ADGRD2: variants seen among roughly 807,000 people sequenced by gnomAD.
ADGRD2 encodes the protein adhesion G protein-coupled receptor D2.
A neutral mutation model predicts 44.4 loss-of-function variants in ADGRD2; 71 were observed. That is an observed-to-expected ratio of 1.60 (90% CI 1.32 to 1.95). The LOEUF is 1.95. Ranked by LOEUF, ADGRD2 falls within the 30% of genes most tolerant of loss-of-function variation. The pLI is 0.00. For synonymous variants in ADGRD2, 481 were observed against 224.8 expected (o/e 2.14, Z -10.19); for missense variants, 1,039 against 512.4 (o/e 2.03, Z -9.92).
chr9:124,454,432 C>T lies in ADGRD2; in HGVS notation c.1023-52C>T. On this transcript the variant is annotated intron_variant, in intron 4 of 21. Transcript: ENST00000334810. The surrounding 1 kb of genome is among the most constrained non-coding windows in gnomAD (Gnocchi z 4.5). ...TGGAGGTCACTGAACAGGCTGGCAT[C>T]TCTGGGCAGGGGTATTGCCCGGGGC... 1 of 690,346 alleles carries T rather than the reference C, an allele frequency of 1.4e-6. No homozygotes were observed. The highest frequency in any genetic ancestry group is 2.7e-6 in the Non-Finnish European group (1 of 365,180). 42.8% of individuals were successfully genotyped at this position (690,346 alleles called of 1,614,324 possible).
In ADGRD2 at chr9:124,471,990, G is replaced by A. The variant is rs1043280578; in HGVS notation, c.2758+1376G>A. On this transcript the variant is annotated intron_variant, in intron 17 of 21. Coordinates refer to ENST00000334810, the Ensembl canonical transcript of ADGRD2. ...GGCGAGGCTTCTCCACCTGTCACAC[G>A]GTGGGGCAGGTGGTGGCATCTTGTT... is the stretch of plus-strand genomic sequence containing the variant. Among the ~76,000 whole-genome samples, 6 of 152,194 alleles carry A rather than the reference G, an allele frequency of 3.9e-5. No individual in the cohort carries two copies. In the East Asian group the frequency reaches 5.8e-4, roughly 15 times the overall value.
rs7847668 is a variant in ADGRD2 at position 124,452,834 on chromosome 9, T to C, written c.281+112T>C. On this transcript the variant is annotated intron_variant, in intron 2 of 21. Transcript: ENST00000334810. Reference sequence around the variant, plus strand: ...AGAATGAGCCGGGAGTAAGACCCCATTGCATCTCCAGGTTCCTTTGCCCTG... The same window carrying C: ...AGAATGAGCCGGGAGTAAGACCCCACTGCATCTCCAGGTTCCTTTGCCCTG... The C allele has an allele frequency of 5.2e-3, 3,236 of 625,914 alleles. 75 individuals carry two copies. The African/African-American group carries it at 0.052, about 10-fold the overall frequency. 38.8% of individuals were successfully genotyped at this position (625,914 alleles called of 1,614,324 possible).
intron 17 of ADGRD2, among the ~76,000 whole-genome samples, chr9:124,473,214 C>G (rs1831985821): frequency 6.6e-6 from 1 of 152,208 alleles, no homozygotes; most frequent in Non-Finnish European, 1.5e-5. Context: ...GACCAAGTGA[C>G]CAGGGAGGAG....
chr9:124,452,202 G>A (rs1452797069), intron 1 of ADGRD2, 48 bp downstream of exon 4: 2 of 678,854 alleles, frequency 2.9e-6, no homozygotes, highest in African/African-American at 3.6e-5. Context: ...CCCCAGCTAA[G>A]CAAGTCTGTG....
upstream of ADGRD2, chr9:124,451,999 CCCCCTCCCACCCACCCCCAGAGTA>C (rs1831482253): frequency 7.9e-5 from 27 of 339,988 alleles, no homozygotes; most frequent in East Asian, 8.0e-4. Context: ...CACTGAATGC[CCCCCTCCCACCCACCCCCAGAGTA>C]GGCATTCAAC....
intron 6 of ADGRD2, 113 bp from the exon 10 acceptor site, chr9:124,456,509 T>C (rs1831619604): frequency 3.0e-6 from 2 of 658,512 alleles, no homozygotes; most frequent in East Asian, 2.7e-5. Context: ...CCACGGAGGG[T>C]CTGGAGAGGG....
intron 7 of ADGRD2, among the ~76,000 whole-genome samples, chr9:124,457,031 T>C (rs1166771712): frequency 6.6e-6 from 1 of 152,224 alleles, no homozygotes. Context: ...ATGTCTTTCA[T>C]TGCATTTCTG....
chr9:124,475,642 G>A (rs1402254580), intron 19 of ADGRD2, 27 bp downstream of exon 22: 21 of 623,242 alleles, frequency 3.4e-5, no homozygotes. Context: ...GGGTGTGGGT[G>A]GGGGCGGGAG....
chr9:124,458,622 A>C (rs1227908135), exon 10 of ADGRD2: 2 of 718,594 alleles, frequency 2.8e-6, no homozygotes, highest in Non-Finnish European at 5.2e-6. Flanking sequence ...ACAGGTTCCT[A>C]AGCACCCAGG....
rs150143825 is a variant in ADGRD2 at position 124,455,425 on chromosome 9, T to G, written c.1393+298T>G. Among the ~76,000 whole-genome samples, 509 of 152,170 alleles carry G rather than the reference T, an allele frequency of 3.3e-3. 4 individuals are homozygous for G. Among genetic ancestry groups the G allele is most frequent in the African/African-American group, 0.012 (487 of 41,520 alleles). On this transcript the variant is annotated intron_variant, in intron 6 of 21. Transcript: ENST00000334810. ...GGCCAACATAATGAAACCCTGTCTC[T>G]ACTAAAAATACAAAATTAGCCAGGC...
intron 17 of ADGRD2, among the ~76,000 whole-genome samples, chr9:124,474,276 C>CAAAAA (rs397947760): frequency 1.2e-5 from 1 of 80,644 alleles, no homozygotes; most frequent in Non-Finnish European, 2.4e-5. Context: ...AACTCTGTCT[C>CAAAAA]AAAAAAAAAA....
intron 2 of ADGRD2, 26 bp downstream of exon 5, chr9:124,452,748 G>A (rs1456874186): frequency 2.9e-6 from 2 of 700,824 alleles, no homozygotes; most frequent in Non-Finnish European, 5.3e-6. Context: ...TGGGAAATGG[G>A]AGCAAGGGGC....
At chr9:124,452,000 C>CCCCT, upstream of ADGRD2, 1 of 322,338 alleles carries the variant, frequency 3.1e-6, no homozygotes, top group Non-Finnish European at 6.1e-6. Context: ...ACTGAATGCC[C>CCCCT]CCCTCCCACC....
At chr9:124,470,316 AG>A (rs570259940) in intron 16 of ADGRD2, among the ~76,000 whole-genome samples, 177 bp from the exon 20 acceptor site, 4 of 152,070 alleles carry the variant, frequency 2.6e-5, no homozygotes, top group South Asian at 2.1e-4. Context: ...CTCTGAGAAC[AG>A]GGGGGGCAAC....
chr9:124,458,079 G>A (rs376058342), intron 8 of ADGRD2, 34 bp from the exon 12 acceptor site: 7 of 717,788 alleles, frequency 9.8e-6, no homozygotes, highest in Non-Finnish European at 1.6e-5. Flanking sequence ...CCCAGCCACC[G>A]GGTGGTGCCT....
intron 17 of ADGRD2, among the ~76,000 whole-genome samples, chr9:124,471,222 G>A: frequency 6.6e-6 from 1 of 152,066 alleles, no homozygotes; most frequent in East Asian, 1.9e-4. Flanking sequence ...GGGAGTCAGG[G>A]AGGCCCTTCC....
intron 10 of ADGRD2, among the ~76,000 whole-genome samples, chr9:124,462,977 C>T (rs1831749709): frequency 6.7e-6 from 1 of 149,886 alleles, no homozygotes; most frequent in African/African-American, 2.5e-5. Flanking sequence ...CCTTTCTTTC[C>T]TCCCTTTTGT....
chr9:124,472,439 TG>T, intron 17 of ADGRD2, among the ~76,000 whole-genome samples: 1 of 149,622 alleles, frequency 6.7e-6, no homozygotes, highest in African/African-American at 2.5e-5. Context: ...TTTGTTTTTT[TG>T]TTTGTTTGTT....
upstream of ADGRD2, chr9:124,451,384 T>A: frequency 2.7e-6 from 1 of 376,548 alleles, no homozygotes; most frequent in Non-Finnish European, 5.3e-6. Context: ...AGGGCGACAG[T>A]GTTTCCCTGC....
Sources: allele counts gnomAD v4.1 joint callset (sites outside exome capture counted in the v4.1 genomes callset), GRCh38; gene constraint gnomAD v4.1.1; non-coding constraint Gnocchi (gnomAD v3.1); transcripts MANE v1.5; gene names NCBI Gene and HGNC (gene_info 2026-07-23, HGNC 2026-07-21).